ITGAM: variants seen among roughly 807,000 people sequenced by gnomAD.
ITGAM encodes integrin subunit alpha M.
A neutral mutation model predicts 137.5 loss-of-function variants in ITGAM; 79 were observed. The observed-to-expected ratio is 0.57, with a 90% CI of 0.48 to 0.69. ITGAM has a LOEUF of 0.69. Among genes scored for constraint, ITGAM ranks in the 30% least tolerant of loss-of-function variants. The probability of loss-of-function intolerance (pLI) is 0.00; values close to 1 mark genes in which losing one functional copy is unlikely to be tolerated. For missense variants in ITGAM, 1,343 were observed against 1,483.5 expected (o/e 0.91, Z 1.56); for synonymous variants, 583 against 592.3 (o/e 0.98, Z 0.23).
rs2079928074 is a variant in ITGAM at position 31,277,983 on chromosome 16, C to T, written c.1230C>T (p.Ile410=). Residue 410 remains isoleucine, a synonymous_variant, in exon 12 of 30, where the codon ATC becomes ATT. Transcript: ENST00000544665. ...CACCTTCAGGTTATGCTGCCGCCAT[C>T]ATCTTACGGAACCGGGTGCAAAGCC... The part of the protein sequence containing the change: ...NDAYLGYAAA[I]ILRNRVQSLV... 1.9e-6 allele frequency: 3 copies of T among 1,599,808 alleles called. No individual in the cohort carries two copies. The highest frequency in any genetic ancestry group is 2.6e-6 in the Non-Finnish European group (3 of 1,173,122).
intron 14 of ITGAM, 76 bp downstream of exon 14, chr16:31,298,030 C>A: frequency 1.6e-6 from 2 of 1,225,738 alleles, no homozygotes; most frequent in South Asian, 1.2e-5. Context: ...GTGCCCACAG[C>A]TGCCAGATAA....
At chr16:31,325,834 G>A (rs7200615) in intron 21 of ITGAM, among the ~76,000 whole-genome samples, 24,934 of 152,088 alleles carry the variant, frequency 0.16, 2,232 homozygotes, top group Middle Eastern at 0.25. Flanking sequence ...AGGAGGTCGA[G>A]GCAGGAGGAT....
rs192803117 is a variant in ITGAM, at chr16:31,328,847, C to T, written c.2793-381C>T. Among the ~76,000 whole-genome samples, 4 of 140,746 alleles carry T rather than the reference C, an allele frequency of 2.8e-5. No homozygotes were observed. The Admixed American group carries it at 2.8e-4, about 10-fold the overall frequency. 92.3% of individuals were successfully genotyped at this position (140,746 alleles called of 152,430 possible). A position where few individuals can be genotyped will look rare whatever the true frequency, so the allele number is the denominator to read the frequency against. On this transcript the variant is annotated intron_variant, in intron 23 of 29. Transcript: ENST00000544665. The stretch of plus-strand genomic sequence containing the variant: ...GTGTGCGCATGGGTGTGTATTTGTG[C>T]ATGTGTGTGAGGGTCTATGTGCATG...
rs140403879 is a variant in ITGAM, at chr16:31,277,943, C to A, written c.1214-24C>A. The A allele has an allele frequency of 1.9e-4, 303 of 1,570,160 alleles. 2 individuals are homozygous for A. In the East Asian group the frequency reaches 6.8e-3, roughly 35 times the overall value. ...GGAGGAGGGGGCAGGGAATGCACTT[C>A]ACCTCTCAGACCCCCACCTTCAGGT... On this transcript the variant is annotated intron_variant, in intron 11 of 29. Coordinates refer to ENST00000544665, the MANE Select transcript of ITGAM (RefSeq NM_000632.4).
intron 6 of ITGAM, 123 bp from the exon 7 acceptor site, chr16:31,271,722 ATT>A: frequency 8.7e-7 from 1 of 1,143,482 alleles, no homozygotes; most frequent in Non-Finnish European, 1.3e-6. Flanking sequence ...GAGGCAGGGG[ATT>A]AGGGGCAGCA....
chr16:31,270,743 A>ATATATATATATAT (rs1475429642), intron 5 of ITGAM, among the ~76,000 whole-genome samples: 3 of 106,194 alleles, frequency 2.8e-5, no homozygotes, highest in African/African-American at 9.5e-5. Context: ...ATATATATAT[A>ATATATATATATAT]TGTTTTTAAC....
Position 31,331,738 on chromosome 16 carries a change from T to C in ITGAM, c.*31T>C. 1 of 1,543,632 alleles carries C rather than the reference T, an allele frequency of 6.5e-7. No homozygotes were observed. Among genetic ancestry groups the C allele is most frequent in the Non-Finnish European group, 8.8e-7 (1 of 1,136,360 alleles). ...CCTTCCCGACAGAGCTGCCTCTCGGTGGCCAGCAGGACTCTGCCCAGACCA... is the reference window on the plus strand; with the variant it reads ...CCTTCCCGACAGAGCTGCCTCTCGGCGGCCAGCAGGACTCTGCCCAGACCA... On this transcript the variant is annotated 3_prime_UTR_variant, in exon 30 of 30. Transcript: ENST00000544665.
intron 6 of ITGAM, 142 bp from the exon 7 acceptor site, chr16:31,271,705 T>A: frequency 9.0e-6 from 9 of 995,066 alleles, no homozygotes; most frequent in Non-Finnish European, 1.2e-5. Context: ...CAGCTCTCCG[T>A]CCTGGTGAGG....
At chr16:31,283,622 A>C (rs1305499839) in intron 12 of ITGAM, among the ~76,000 whole-genome samples, 1 of 152,174 alleles carries the variant, frequency 6.6e-6, no homozygotes, top group African/African-American at 2.4e-5. Context: ...CCATTCGTCT[A>C]ATCTTTTTAC....
chr16:31,328,474 A>G (rs2080532921), intron 23 of ITGAM, among the ~76,000 whole-genome samples: 1 of 146,464 alleles, frequency 6.8e-6, no homozygotes, highest in Non-Finnish European at 1.5e-5. Flanking sequence ...GCATGTGTGT[A>G]TGTGTGCATG....
chr16:31,302,981 T>TTTCTTTCC (rs2080229756), intron 14 of ITGAM, among the ~76,000 whole-genome samples: 2 of 120,024 alleles, frequency 1.7e-5, no homozygotes, highest in African/African-American at 6.6e-5. Flanking sequence ...TCTTTCTTTC[T>TTTCTTTCC]TTCTTTCTTT....
intron 1 of ITGAM, among the ~76,000 whole-genome samples, chr16:31,261,104 G>A (rs2079693435): frequency 6.6e-6 from 1 of 151,998 alleles, no homozygotes; most frequent in Admixed American, 6.6e-5. Context: ...CAGGCTAACA[G>A]AGCTGGACCT....
intron 12 of ITGAM, among the ~76,000 whole-genome samples, chr16:31,296,581 A>G (rs906374332): frequency 2.6e-5 from 4 of 152,202 alleles, no homozygotes; most frequent in African/African-American, 7.2e-5. Flanking sequence ...TCAATGGTGT[A>G]TGAGGCAGAA....
intron 11 of ITGAM, among the ~76,000 whole-genome samples, chr16:31,277,450 C>G (rs1156663091): frequency 6.6e-6 from 1 of 151,946 alleles, no homozygotes; most frequent in Non-Finnish European, 1.5e-5. Context: ...CCTCCGCCTC[C>G]CAGGTTCAAG....
intron 14 of ITGAM, among the ~76,000 whole-genome samples, chr16:31,320,707 C>T (rs563786363): frequency 1.3e-5 from 2 of 152,190 alleles, no homozygotes; most frequent in South Asian, 4.1e-4. Context: ...TTCAGTTTTC[C>T]TTTTGCCACA....
rs574703296 is a variant in ITGAM, at chr16:31,301,774, G to T, written c.1707+3820G>T. ...TAAAAATATGGATTTATAAAAGGTA[G>T]TATTCTATAATTCACAAATATGAAG... On this transcript the variant is annotated intron_variant, in intron 14 of 29. Coordinates refer to ENST00000544665, the MANE Select transcript of ITGAM (RefSeq NM_000632.4). Among the ~76,000 whole-genome samples, 4 of 152,254 alleles carry T rather than the reference G, an allele frequency of 2.6e-5. No individual in the cohort carries two copies. In the East Asian group the frequency reaches 7.7e-4, roughly 29 times the overall value.
At chr16:31,311,943 C>T (rs2080336761) in intron 14 of ITGAM, among the ~76,000 whole-genome samples, 1 of 151,842 alleles carries the variant, frequency 6.6e-6, no homozygotes, top group African/African-American at 2.4e-5. Flanking sequence ...CACCATGGAA[C>T]ACTACGCAGC....
At chr16:31,321,133 T>A in intron 14 of ITGAM, 108 bp from the exon 15 acceptor site, 1 of 1,269,668 alleles carries the variant, frequency 7.9e-7, no homozygotes, top group Non-Finnish European at 1.1e-6. Context: ...GAGATGAGAC[T>A]TGAGTAGAGC....
intron 14 of ITGAM, among the ~76,000 whole-genome samples, chr16:31,307,214 T>C (rs1195653948): frequency 1.3e-5 from 2 of 152,212 alleles, no homozygotes; most frequent in African/African-American, 4.8e-5. Flanking sequence ...GGGGATGGCA[T>C]TGAATCTATA....
Sources: gnomAD v4.1 joint callset for allele counts (sites outside exome capture counted in the v4.1 genomes callset) on GRCh38, gnomAD v4.1.1 for gene constraint, MANE v1.5 for transcripts, NCBI Gene and HGNC (gene_info 2026-07-23, HGNC 2026-07-21) for gene names.